The following CDH13 variants were observed in gnomAD, a reference collection of about 807,000 sequenced individuals.
CDH13 encodes cadherin 13, also known as cadherin-13.
A neutral mutation model predicts 63.8 loss-of-function variants in CDH13; 24 were observed. The ratio of observed to expected loss-of-function variants is 0.38; its 90% CI spans 0.27 to 0.53. CDH13 has a LOEUF of 0.53. Ranked by LOEUF, CDH13 falls within the 20% of genes least tolerant of loss-of-function variation. The pLI is 0.85. For missense variants in CDH13, 1,049 were observed against 903.1 expected (o/e 1.16, Z -2.07); for synonymous variants, 503 against 355.3 (o/e 1.42, Z -4.67).
intron 7 of CDH13, among the ~76,000 whole-genome samples, chr16:83,540,168 C>T (rs2075273259): frequency 6.6e-6 from 1 of 151,528 alleles, no homozygotes; most frequent in Non-Finnish European, 1.5e-5. Flanking sequence ...AGGTTGAAGC[C>T]ACTCTCCTGC....
Position 83,742,666 on chromosome 16 carries a change from A to G in CDH13, c.1539-5442A>G, listed in dbSNP as rs554206820. Among the ~76,000 whole-genome samples, 57 of 152,338 alleles carry G rather than the reference A, an allele frequency of 3.7e-4. 1 individual carries two copies. The highest frequency in any genetic ancestry group is 2.5e-3 in the Admixed American group (38 of 15,300). ...GGACAAAAGCGCACGGAAGCCAGGA[A>G]GCGGGAGAGCAGGCTGTTCCGTGGT... On this transcript the variant is annotated intron_variant, in intron 10 of 13. Coordinates refer to ENST00000567109, the MANE Select transcript of CDH13 (RefSeq NM_001257.5).
intron 1 of CDH13, among the ~76,000 whole-genome samples, chr16:82,846,004 T>C (rs2039240913): frequency 6.6e-6 from 1 of 152,246 alleles, no homozygotes; most frequent in African/African-American, 2.4e-5. Flanking sequence ...TGAATTGTTC[T>C]TGGCTCTGTT....
At chr16:82,972,406 G>A (rs886134324) in intron 2 of CDH13, among the ~76,000 whole-genome samples, 3 of 152,132 alleles carry the variant, frequency 2.0e-5, no homozygotes, top group African/African-American at 7.2e-5. Context: ...GTATTTCTGA[G>A]TCCCATTTTG....
chr16:83,385,585 A>C (rs2091657092), intron 6 of CDH13, among the ~76,000 whole-genome samples: 1 of 152,190 alleles, frequency 6.6e-6, no homozygotes, highest in Admixed American at 6.5e-5. Flanking sequence ...GTTACTCTAG[A>C]ACATGGGGTC....
At chr16:83,758,149 G>A in intron 11 of CDH13, among the ~76,000 whole-genome samples, 1 of 151,926 alleles carries the variant, frequency 6.6e-6, no homozygotes, top group Non-Finnish European at 1.5e-5. Context: ...TTTGCTACAT[G>A]TTTCCAAATA....
At chr16:83,709,301 C>G (rs1163721190) in intron 10 of CDH13, among the ~76,000 whole-genome samples, 1 of 152,222 alleles carries the variant, frequency 6.6e-6, no homozygotes, top group Non-Finnish European at 1.5e-5. Flanking sequence ...TTTTAATCCA[C>G]TAGGTCTGTG....
chr16:82,881,481 C>G (rs1424232506), intron 2 of CDH13, among the ~76,000 whole-genome samples: 1 of 152,098 alleles, frequency 6.6e-6, no homozygotes, highest in Admixed American at 6.5e-5. Flanking sequence ...CTGTATAACT[C>G]CATTACAATC....
At position 83,317,448 on chromosome 16, in the gene CDH13, A is replaced by G. The variant is rs118175835; in HGVS notation, c.637-27414A>G. Among the ~76,000 whole-genome samples the G allele has an allele frequency of 7.0e-3, 1,062 of 152,268 alleles. 5 individuals carry two copies. The highest frequency in any genetic ancestry group is 0.012 in the Non-Finnish European group (833 of 68,016). ...CAAAGCAAATCATAGGGCCACATCT[A>G]AAGTCTTTCTGGTTGGGCTTTCCAT... is the stretch of plus-strand genomic sequence containing the variant. On this transcript the variant is annotated intron_variant, in intron 5 of 13. Transcript: ENST00000567109.
intron 3 of CDH13, among the ~76,000 whole-genome samples, chr16:83,124,852 T>C (rs1007441924): frequency 6.6e-6 from 1 of 152,220 alleles, no homozygotes; most frequent in African/African-American, 2.4e-5. Flanking sequence ...GTGGCTTTAG[T>C]TCTGGATTCT....
intron 1 of CDH13, among the ~76,000 whole-genome samples, chr16:82,773,646 A>T (rs958794685): frequency 2.0e-5 from 3 of 152,192 alleles, no homozygotes; most frequent in African/African-American, 7.2e-5. Context: ...ATGTATGTAC[A>T]TTTGTATGTA....
At chr16:83,762,883 G>A (rs2150988550) in intron 11 of CDH13, among the ~76,000 whole-genome samples, 1 of 152,176 alleles carries the variant, frequency 6.6e-6, no homozygotes, top group South Asian at 2.1e-4. Flanking sequence ...CAAATATTTT[G>A]CTCCAGGAAG....
At chr16:83,078,189 T>C (rs2032986303) in intron 3 of CDH13, among the ~76,000 whole-genome samples, 1 of 152,162 alleles carries the variant, frequency 6.6e-6, no homozygotes, top group Non-Finnish European at 1.5e-5. Context: ...GGGCTTCCTG[T>C]CACTGAGTCT....
At position 83,651,653 on chromosome 16, in the gene CDH13, T is replaced by C. The variant is rs1261436117; in HGVS notation, c.1102-19137T>C. Among the ~76,000 whole-genome samples, 3 of 141,302 alleles carry C rather than the reference T, an allele frequency of 2.1e-5. No individual in the cohort carries two copies. In the East Asian group the frequency reaches 6.3e-4, roughly 30 times the overall value. The allele number at this position is 141,302 out of a possible 152,430, so 92.7% of individuals were successfully genotyped here. ...CTCTGTCACCCAGGCTGGAGTGCAG[T>C]AGCACAATCTTGGCTCACTACAACC... On this transcript the variant is annotated intron_variant, in intron 8 of 13. Coordinates refer to ENST00000567109, the MANE Select transcript of CDH13 (RefSeq NM_001257.5).
At chr16:82,800,456 A>G (rs2036795715) in intron 1 of CDH13, among the ~76,000 whole-genome samples, 2 of 152,184 alleles carry the variant, frequency 1.3e-5, no homozygotes, top group Admixed American at 1.3e-4. Context: ...GATCTATGGA[A>G]CAGAGATCAG....
chr16:83,602,314 A>G (rs1270465224), intron 7 of CDH13, 140 bp from the exon 8 acceptor site: 11 of 836,206 alleles, frequency 1.3e-5, no homozygotes, highest in East Asian at 4.8e-5. Flanking sequence ...CACAATAGGT[A>G]AAAATGTTAT....
intron 1 of CDH13, among the ~76,000 whole-genome samples, chr16:82,785,059 G>C (rs2035940412): frequency 6.6e-6 from 1 of 152,152 alleles, no homozygotes; most frequent in Non-Finnish European, 1.5e-5. Flanking sequence ...AGCATGATCA[G>C]CTGTGCTTGT....
At chr16:83,102,950 T>C (rs2034566371) in intron 3 of CDH13, among the ~76,000 whole-genome samples, 1 of 46,896 alleles carries the variant, frequency 2.1e-5, no homozygotes. Context: ...TTCTTTTTCT[T>C]TTTTTTTTTT....
At chr16:82,713,184 C>A (rs760350046) in intron 1 of CDH13, among the ~76,000 whole-genome samples, 12 of 152,134 alleles carry the variant, frequency 7.9e-5, no homozygotes, top group Admixed American at 4.6e-4. Flanking sequence ...GCATAAGAAT[C>A]TTTTGGATGC....
At chr16:83,455,023 T>A (rs888144756) in intron 6 of CDH13, among the ~76,000 whole-genome samples, 2 of 152,248 alleles carry the variant, frequency 1.3e-5, no homozygotes, top group African/African-American at 4.8e-5. Flanking sequence ...TATTGATTAT[T>A]TGTGAATACT....
Sources: allele counts gnomAD v4.1 joint callset (sites outside exome capture counted in the v4.1 genomes callset), GRCh38; gene constraint gnomAD v4.1.1; transcripts MANE v1.5; gene names NCBI Gene and HGNC (gene_info 2026-07-23, HGNC 2026-07-21).